CNBD1: variants seen among roughly 807,000 people sequenced by gnomAD.
CNBD1 encodes the protein cyclic nucleotide-binding domain-containing protein 1.
Under a neutral mutation model 54.4 loss-of-function variants are expected in CNBD1, and 71 were observed. The ratio of observed to expected loss-of-function variants is 1.30; its 90% CI spans 1.08 to 1.59. The LOEUF is 1.59. Among genes scored for constraint, CNBD1 ranks in the 40% most tolerant of loss-of-function variants. The pLI, the probability that CNBD1 is intolerant of heterozygous loss-of-function variation, is 0.00. For missense variants in CNBD1, 659 were observed against 518.0 expected (o/e 1.27, Z -2.64); for synonymous variants, 182 against 170.7 (o/e 1.07, Z -0.51).
At chr8:87,287,828 T>C (rs1808725082) in intron 8 of CNBD1, among the ~76,000 whole-genome samples, 1 of 152,104 alleles carries the variant, frequency 6.6e-6, no homozygotes, top group Non-Finnish European at 1.5e-5. Context: ...TCTTCCAAAT[T>C]TCCTTCTACT....
intron 4 of CNBD1, among the ~76,000 whole-genome samples, chr8:87,174,281 G>T (rs1813153811): frequency 6.6e-6 from 1 of 151,736 alleles, no homozygotes; most frequent in Non-Finnish European, 1.5e-5. Context: ...TTTTTCTTTT[G>T]TCTTCTCTGT....
intron 3 of CNBD1, among the ~76,000 whole-genome samples, chr8:86,909,528 G>GGT (rs1382901456): frequency 3.3e-5 from 5 of 151,594 alleles, no homozygotes; most frequent in African/African-American, 1.2e-4. Flanking sequence ...ATTGCAGTGT[G>GGT]GTTTTTTTTT....
At chr8:86,884,363 A>T (rs971443457) in intron 1 of CNBD1, among the ~76,000 whole-genome samples, 3 of 152,034 alleles carry the variant, frequency 2.0e-5, no homozygotes, top group Non-Finnish European at 2.9e-5. Flanking sequence ...GAAAACTTTG[A>T]CTGGGCATTA....
intron 4 of CNBD1, among the ~76,000 whole-genome samples, chr8:86,944,430 A>T (rs1347143144): frequency 6.6e-6 from 1 of 152,192 alleles, no homozygotes; most frequent in Non-Finnish European, 1.5e-5. Flanking sequence ...AAGCTAATGC[A>T]GAATAAGGGG....
chr8:87,007,252 C>T (rs1027966625), intron 4 of CNBD1, among the ~76,000 whole-genome samples: 1 of 151,842 alleles, frequency 6.6e-6, no homozygotes, highest in Non-Finnish European at 1.5e-5. Context: ...AATGTATTTT[C>T]CCCATTTATT....
chr8:87,177,286 A>G (rs1472511939), intron 4 of CNBD1, among the ~76,000 whole-genome samples: 1 of 148,924 alleles, frequency 6.7e-6, no homozygotes, highest in Non-Finnish European at 1.5e-5. Flanking sequence ...GCAATTGTAT[A>G]GATAGTTTTG....
At chr8:87,070,166 T>C (rs1427536844) in intron 4 of CNBD1, among the ~76,000 whole-genome samples, 1 of 152,092 alleles carries the variant, frequency 6.6e-6, no homozygotes, top group East Asian at 1.9e-4. Context: ...CTTCTTCCAT[T>C]GTCACTTCAT....
At chr8:87,026,249 TA>T (rs895027737) in intron 4 of CNBD1, among the ~76,000 whole-genome samples, 4 of 152,148 alleles carry the variant, frequency 2.6e-5, no homozygotes, top group African/African-American at 9.7e-5. Context: ...TCAGTAGAGC[TA>T]AAATGGTTGT....
At chr8:87,406,482 T>TACACACACACACACAC (rs1563589764) in intron 2 of CNBD1, among the ~76,000 whole-genome samples, 15 of 143,028 alleles carry the variant, frequency 1.0e-4, no homozygotes, top group African/African-American at 3.9e-4. Context: ...ACACACACTT[T>TACACACACACACACAC]TTTTTTTTTT....
intron 8 of CNBD1, among the ~76,000 whole-genome samples, chr8:87,334,224 A>T (rs1242522335): frequency 3.3e-5 from 5 of 151,958 alleles, no homozygotes; most frequent in African/African-American, 9.6e-5. Flanking sequence ...GTCAGTGTTG[A>T]TATCCCCTTT....
chr8:87,325,789 T>C (rs1252105657), intron 8 of CNBD1, among the ~76,000 whole-genome samples: 2 of 149,532 alleles, frequency 1.3e-5, no homozygotes, highest in African/African-American at 5.0e-5. Context: ...AATTGGAGCA[T>C]TTAGTCCATT....
Position 87,117,398 on chromosome 8 carries a change from C to CAAAA in CNBD1, c.432-88581_432-88578dup, listed in dbSNP as rs57622902. ...TGAGCAACAGAGCAAGATTCCGTCT[C>CAAAA]AAAAAAAAAAAAAAAAAGAACTGAG... On this transcript the variant is annotated intron_variant, in intron 4 of 10. Coordinates refer to ENST00000518476, the MANE Select transcript of CNBD1 (RefSeq NM_173538.3). Among the ~76,000 whole-genome samples, 87 of 107,172 alleles carry CAAAA rather than the reference C, an allele frequency of 8.1e-4. 2 individuals are homozygous for CAAAA. Among genetic ancestry groups the CAAAA allele is most frequent in the Middle Eastern group, 5.6e-3 (1 of 180 alleles). 70.3% of individuals were successfully genotyped at this position (107,172 alleles called of 152,430 possible). A position where few individuals can be genotyped will look rare whatever the true frequency, so the allele number is the denominator to read the frequency against.
chr8:87,240,972 T>C (rs1169832049), intron 6 of CNBD1, among the ~76,000 whole-genome samples: 1 of 151,976 alleles, frequency 6.6e-6, no homozygotes, highest in African/African-American at 2.4e-5. Context: ...TTTTTGTGGG[T>C]CCCCCCAGTT....
chr8:87,185,903 G>A (rs1269443507), intron 4 of CNBD1, among the ~76,000 whole-genome samples: 3 of 152,054 alleles, frequency 2.0e-5, no homozygotes, highest in East Asian at 3.9e-4. Flanking sequence ...TAAGGAAACT[G>A]TCTGGATTCC....
chr8:87,261,982 C>CAAA (rs71277922), intron 6 of CNBD1, among the ~76,000 whole-genome samples: 22 of 128,568 alleles, frequency 1.7e-4, no homozygotes, highest in East Asian at 9.2e-4. Context: ...TCTGTCTTTA[C>CAAA]AAAAAAAAAA....
chr8:87,065,704 A>G (rs1187662756), intron 4 of CNBD1, among the ~76,000 whole-genome samples: 1 of 151,948 alleles, frequency 6.6e-6, no homozygotes, highest in Non-Finnish European at 1.5e-5. Flanking sequence ...TCATGGCATT[A>G]TTAGCCCTCT....
chr8:87,384,669 T>G (rs562316290), downstream of CNBD1, among the ~76,000 whole-genome samples: 260 of 152,218 alleles, frequency 1.7e-3, 4 homozygotes, highest in Middle Eastern at 0.014. Flanking sequence ...TAAATGTATG[T>G]TTTTTTCCAC....
intron 5 of CNBD1, among the ~76,000 whole-genome samples, chr8:87,232,585 T>G (rs1231348347): frequency 6.6e-6 from 1 of 152,140 alleles, no homozygotes; most frequent in Non-Finnish European, 1.5e-5. Flanking sequence ...TGTAAAAGCA[T>G]TTTTAGCAAT....
chr8:86,980,504 C>T (rs1204325198), intron 4 of CNBD1, among the ~76,000 whole-genome samples: 1 of 152,184 alleles, frequency 6.6e-6, no homozygotes, highest in African/African-American at 2.4e-5. Flanking sequence ...AATTCACCAA[C>T]TCAGGTGAAT....
Sources: allele counts gnomAD v4.1 joint callset (sites outside exome capture counted in the v4.1 genomes callset), GRCh38; gene constraint gnomAD v4.1.1; transcripts MANE v1.5; gene names NCBI Gene and HGNC (gene_info 2026-07-23, HGNC 2026-07-21).